Variants in TNS1 observed in about 807,000 individuals in gnomAD.
The protein encoded by TNS1 is tensin-1.
Under a neutral mutation model 168.6 loss-of-function variants are expected in TNS1, and 62 were observed. The ratio of observed to expected loss-of-function variants is 0.37; its 90% CI spans 0.30 to 0.45. The LOEUF is 0.45. Among genes scored for constraint, TNS1 ranks in the 20% least tolerant of loss-of-function variants. The pLI is 1.00. For missense variants in TNS1, 2,240 were observed against 2,339.4 expected (o/e 0.96, Z 0.88); for synonymous variants, 934 against 933.2 (o/e 1.00, Z -0.02).
rs1937407162 is a variant in TNS1 at position 217,801,004 on chromosome 2, C to G, written c.*3455G>C. The G allele has an allele frequency of 6.6e-6, 1 of 152,246 alleles. No individual in the cohort carries two copies. Among genetic ancestry groups the G allele is most frequent in the Non-Finnish European group, 1.5e-5 (1 of 68,100 alleles). 9.4% of individuals were successfully genotyped at this position (152,246 alleles called of 1,614,324 possible). On this transcript the variant is annotated 3_prime_UTR_variant, in exon 33 of 33. Coordinates refer to ENST00000682258, the MANE Select transcript of TNS1 (RefSeq NM_001387777.1). ...TGCCCCTCCTGCTTTCACACAACCA[C>G]TGGCCCCACCATCCCTCTCCTGGCC...
At chr2:217,814,875 C>A (rs774191726) in intron 25 of TNS1, 37 bp downstream of exon 25, 13 of 1,575,798 alleles carry the variant, frequency 8.2e-6, no homozygotes, top group Non-Finnish European at 9.6e-6. Flanking sequence ...CCTCAGCCAG[C>A]TATGGCCTCT....
chr2:217,992,502 C>A (rs2126089283), intron 1 of TNS1: 1 of 152,354 alleles, frequency 6.6e-6, no homozygotes, highest in South Asian at 2.1e-4. Flanking sequence ...TCTAGGACTC[C>A]TATCTGAAGA....
chr2:217,805,884 CCACACACACA>C (rs57846949), intron 32 of TNS1, among the ~76,000 whole-genome samples: 2 of 147,166 alleles, frequency 1.4e-5, no homozygotes, highest in African/African-American at 5.0e-5. Flanking sequence ...TATACACACA[CCACACACACA>C]CACACACACA....
intron 1 of TNS1, among the ~76,000 whole-genome samples, chr2:218,027,458 C>T (rs1958860441): frequency 6.6e-6 from 1 of 152,066 alleles, no homozygotes; most frequent in Admixed American, 6.5e-5. Context: ...CTGAAATGGC[C>T]TTGCCCCTCC....
intron 4 of TNS1, among the ~76,000 whole-genome samples, chr2:217,917,147 G>T (rs1955099855): frequency 6.6e-6 from 1 of 152,128 alleles, no homozygotes; most frequent in African/African-American, 2.4e-5. Flanking sequence ...GCTTCCAGCT[G>T]AAGGCAGCTG....
intron 18 of TNS1, chr2:217,849,715 G>A (rs1189098875): frequency 2.2e-5 from 22 of 985,336 alleles, no homozygotes; most frequent in South Asian, 4.7e-5. Flanking sequence ...CTGGATTAGA[G>A]GCAGAATGCC....
chr2:217,956,420 T>G (rs1957364146), intron 3 of TNS1, among the ~76,000 whole-genome samples: 1 of 107,362 alleles, frequency 9.3e-6, no homozygotes, highest in Non-Finnish European at 1.8e-5. Flanking sequence ...GAAGGGGGAG[T>G]AACAAGGACG....
chr2:217,939,044 CAAT>C (rs760522098), intron 3 of TNS1, among the ~76,000 whole-genome samples: 6 of 151,672 alleles, frequency 4.0e-5, no homozygotes, highest in African/African-American at 9.7e-5. Flanking sequence ...CCACCACCAC[CAAT>C]AATAATAATA....
rs1237328268 is a variant in TNS1, at chr2:217,859,355, CCT to C, written c.1430-10270_1430-10269del. 4.4e-5 allele frequency: 18 copies of C among 408,762 alleles called. No individual in the cohort carries two copies. The East Asian group carries it at 6.1e-4, about 14-fold the overall frequency. 25.3% of individuals were successfully genotyped at this position (408,762 alleles called of 1,614,324 possible). ...ACAATAAGGTGGAAATCTTTTTTTCCCTCTCTCTCCCCCTTTCCCCTCCACAG... is the reference window on the plus strand; with the variant it reads ...ACAATAAGGTGGAAATCTTTTTTTCCCTCTCTCCCCCTTTCCCCTCCACAG... On this transcript the variant is annotated intron_variant, in intron 18 of 32. Coordinates refer to ENST00000682258, the MANE Select transcript of TNS1 (RefSeq NM_001387777.1).
At chr2:217,974,122 C>T (rs1197109903) in intron 3 of TNS1, among the ~76,000 whole-genome samples, 5 of 152,268 alleles carry the variant, frequency 3.3e-5, no homozygotes, top group Middle Eastern at 6.8e-3. Flanking sequence ...TAGCAATTAC[C>T]TTTGGGGTAT....
intron 18 of TNS1, among the ~76,000 whole-genome samples, chr2:217,877,963 C>A (rs946480145): frequency 1.3e-5 from 2 of 152,206 alleles, no homozygotes; most frequent in African/African-American, 4.8e-5. Flanking sequence ...ATCACCCTCC[C>A]GCAGTGGGCC....
chr2:217,859,525 A>G, intron 18 of TNS1: 2 of 905,328 alleles, frequency 2.2e-6, no homozygotes, highest in South Asian at 2.9e-5. Flanking sequence ...CCAGGAGGGG[A>G]CAGGAGCCCC....
intron 7 of TNS1, among the ~76,000 whole-genome samples, chr2:217,899,911 G>C (rs1255089990): frequency 6.6e-6 from 1 of 152,234 alleles, no homozygotes; most frequent in African/African-American, 2.4e-5. Context: ...AGTGGGTGAA[G>C]GTGAGGCAGA....
In TNS1 at chr2:217,958,157, C is replaced by T. The variant is rs138968275; in HGVS notation, c.186+20608G>A. Among the ~76,000 whole-genome samples, 34 of 152,038 alleles carry T rather than the reference C, an allele frequency of 2.2e-4. No homozygotes were observed. The East Asian group carries it at 3.7e-3, about 16-fold the overall frequency. ...AGAAAAATTAAAAACATATCGTAGA[C>T]CAAGACCATACCTTCTATCACTTAG... On this transcript the variant is annotated intron_variant, in intron 3 of 32. Transcript: ENST00000682258.
At chr2:217,920,055 C>G (rs4672856) in intron 4 of TNS1, 140 bp downstream of exon 4, 41,544 of 671,964 alleles carry the variant, frequency 0.062, 4,531 homozygotes, top group African/African-American at 0.34. Flanking sequence ...CGCTTCGGCC[C>G]AGGGAGGTCG....
At chr2:217,840,319 G>A (rs561701235) in intron 19 of TNS1, among the ~76,000 whole-genome samples, 5 of 152,348 alleles carry the variant, frequency 3.3e-5, no homozygotes, top group African/African-American at 9.6e-5. Context: ...AAGGGCCTGC[G>A]TGTCCCAGAG....
Position 217,813,971 on chromosome 2 carries a change from T to A in TNS1, c.4730-155A>T. 1.1e-6 allele frequency: 1 copy of A among 895,032 alleles called. No homozygotes were observed. The highest frequency in any genetic ancestry group is 2.5e-5 in the South Asian group (1 of 40,132). 55.4% of individuals were successfully genotyped at this position (895,032 alleles called of 1,614,324 possible). Reference sequence around the variant, plus strand: ...TTAACTACTCCTACGGGTCTTCCTGTACTCAGGTTGGCAAACTTATTCTGT... The same window carrying A: ...TTAACTACTCCTACGGGTCTTCCTGAACTCAGGTTGGCAAACTTATTCTGT... On this transcript the variant is annotated intron_variant, in intron 25 of 32. Coordinates refer to ENST00000682258, the MANE Select transcript of TNS1 (RefSeq NM_001387777.1). This position sits in a 1 kb window ranked among gnomAD's most constrained non-coding sequence, Gnocchi z 4.0.
At chr2:217,925,576 A>G (rs997677229) in intron 3 of TNS1, among the ~76,000 whole-genome samples, 1 of 152,240 alleles carries the variant, frequency 6.6e-6, no homozygotes, top group African/African-American at 2.4e-5. Flanking sequence ...TCAGCATTTC[A>G]TATAAGACTG....
At chr2:217,839,384 C>T (rs925543204) in intron 19 of TNS1, among the ~76,000 whole-genome samples, 4 of 152,118 alleles carry the variant, frequency 2.6e-5, no homozygotes, top group African/African-American at 9.7e-5. Context: ...GTTATCCCAG[C>T]CCCAGGGTTC....
Sources: gnomAD v4.1 joint callset for allele counts (sites outside exome capture counted in the v4.1 genomes callset) on GRCh38, gnomAD v4.1.1 for gene constraint, Gnocchi (gnomAD v3.1) non-coding constraint, MANE v1.5 for transcripts, NCBI Gene and HGNC (gene_info 2026-07-23, HGNC 2026-07-21) for gene names.